WDFY4: variants seen among roughly 807,000 people sequenced by gnomAD.
The protein encoded by WDFY4 is WDFY family member 4.
A neutral mutation model predicts 351.9 loss-of-function variants in WDFY4; 169 were observed. That is an observed-to-expected ratio of 0.48 (90% CI 0.42 to 0.55). The LOEUF is 0.55. Ranked by LOEUF, WDFY4 falls within the 20% of genes least tolerant of loss-of-function variation. The probability of loss-of-function intolerance (pLI) is 0.00; values close to 1 mark genes in which losing one functional copy is unlikely to be tolerated. For missense variants in WDFY4, 3,803 were observed against 3,935.6 expected, an observed-to-expected ratio of 0.97 and a Z score of 0.90; for synonymous variants, 1,622 against 1,574.6, an observed-to-expected ratio of 1.03 and a Z score of -0.71.
Position 48,911,873 on chromosome 10 carries a change from G to C in WDFY4, c.7586+10010G>C, listed in dbSNP as rs190313969. 1.1e-4 allele frequency among the ~76,000 whole-genome samples: 17 copies of C among 152,322 alleles called. 1 individual carries two copies. The East Asian group carries it at 2.7e-3, about 24-fold the overall frequency. ...CCCAAGGTTTTAGAAATATGATAGG[G>C]TTGTCATAGCTAAGCATTACAAGAG... On this transcript the variant is annotated intron_variant, in intron 47 of 61. Transcript: ENST00000325239.
At chr10:48,828,471 A>G (rs2068077660) in intron 36 of WDFY4, among the ~76,000 whole-genome samples, 1 of 152,212 alleles carries the variant, frequency 6.6e-6, no homozygotes, top group Admixed American at 6.5e-5. Flanking sequence ...GAAGGCACTG[A>G]AAGAAATGAC....
In WDFY4 at chr10:48,826,680, A is replaced by G; in HGVS notation, c.5992A>G (p.Thr1998Ala). 1 of 1,550,994 alleles carries G rather than the reference A, an allele frequency of 6.4e-7. No individual in the cohort carries two copies. Among genetic ancestry groups the G allele is most frequent in the Non-Finnish European group, 8.7e-7 (1 of 1,146,338 alleles). Residue 1998 changes from threonine (T) to alanine (A), a missense_variant, in exon 36 of 62, where the codon ACT becomes GCT. Thr to Ala is a moderately conservative substitution (Grantham distance 58, BLOSUM62 0). Transcript: ENST00000325239. ...ILEHIMVVIETASSQRDTVLS... is the reference protein window; with the variant it reads ...ILEHIMVVIEAASSQRDTVLS... ...TTTTTTAATGACACAGGTCATTGAG[A>G]CTGCCTCTTCTCAAAGGGACACTGT...
chr10:48,955,192 C>G (rs549977772), intron 51 of WDFY4, among the ~76,000 whole-genome samples: 1 of 152,198 alleles, frequency 6.6e-6, no homozygotes, highest in Non-Finnish European at 1.5e-5. Flanking sequence ...CGACACCCCA[C>G]CCCCATTTTA....
At chr10:48,822,742 C>T (rs1565238766) in intron 35 of WDFY4, among the ~76,000 whole-genome samples, 1 of 152,210 alleles carries the variant, frequency 6.6e-6, no homozygotes, top group Non-Finnish European at 1.5e-5. Flanking sequence ...CCCCCTGAGC[C>T]CAGTCCCAGG....
In WDFY4 at chr10:48,721,295, G is replaced by A. The variant is rs1697855294; in HGVS notation, c.384G>A (p.Trp128Ter). 3 of 1,551,660 alleles carry A rather than the reference G, an allele frequency of 1.9e-6. No individual in the cohort carries two copies. Among genetic ancestry groups the A allele is most frequent in the Non-Finnish European group, 2.6e-6 (3 of 1,146,974 alleles). ...QARLAAGQLL[W>*]WKGDVDQDGY... ...GGTTGGCAGCTGGACAGTTGCTGTGGTGGAAGGGGGACGTGGATCAGGATG... is the reference window on the plus strand; with the variant it reads ...GGTTGGCAGCTGGACAGTTGCTGTGATGGAAGGGGGACGTGGATCAGGATG... The change falls in exon 4 of 62, where the codon TGG becomes TGA. Residue 128 changes from tryptophan (W) to a stop codon, truncating the protein, a stop_gained. Coordinates refer to ENST00000325239, the MANE Select transcript of WDFY4 (RefSeq NM_001394531.1). LOFTEE classifies it high-confidence loss of function.
intron 39 of WDFY4, among the ~76,000 whole-genome samples, chr10:48,844,417 C>A (rs147498186): frequency 6.6e-5 from 10 of 152,202 alleles, no homozygotes; most frequent in African/African-American, 2.4e-4. Flanking sequence ...TATGATGAAA[C>A]CCCGTCTCTA....
intron 11 of WDFY4, among the ~76,000 whole-genome samples, chr10:48,740,696 A>G (rs1210601516): frequency 2.0e-5 from 3 of 152,258 alleles, no homozygotes; most frequent in African/African-American, 7.2e-5. Flanking sequence ...AAGCAGTATC[A>G]TTGCCCCCAT....
At chr10:48,851,194 T>TGTCCACCCAAAGAGGATGCC (rs1298626248) in intron 39 of WDFY4, among the ~76,000 whole-genome samples, 3 of 152,166 alleles carry the variant, frequency 2.0e-5, no homozygotes, top group Non-Finnish European at 4.4e-5. Context: ...GTCAGGATGG[T>TGTCCACCCAAAGAGGATGCC]GTCCACCCAA....
chr10:48,939,273 A>G (rs1321899113), intron 47 of WDFY4, among the ~76,000 whole-genome samples: 1 of 152,252 alleles, frequency 6.6e-6, no homozygotes, highest in Non-Finnish European at 1.5e-5. Flanking sequence ...CAACATCGCC[A>G]GGACCACGCC....
intron 10 of WDFY4, 75 bp downstream of exon 10, chr10:48,734,110 T>C (rs2132355957): frequency 7.5e-7 from 1 of 1,329,808 alleles, no homozygotes; most frequent in East Asian, 2.5e-5. Context: ...TATGGCAGTG[T>C]TCACAGGTTA....
intron 57 of WDFY4, among the ~76,000 whole-genome samples, chr10:48,974,527 A>AAAAAAAAAAAAAAAAAAAAAAAAAACAAC: frequency 4.3e-5 from 1 of 23,148 alleles, no homozygotes; most frequent in African/African-American, 7.3e-5. Flanking sequence ...AAAAAAAAAA[A>AAAAAAAAAAAAAAAAAAAAAAAAAACAAC]AACAACTCAT....
chr10:48,704,753 C>A (rs897183934), intron 1 of WDFY4, among the ~76,000 whole-genome samples: 1 of 152,222 alleles, frequency 6.6e-6, no homozygotes, highest in Non-Finnish European at 1.5e-5. Context: ...CACCGACTGG[C>A]GAAGGGACCC....
At chr10:48,884,049 C>T (rs1168383072) in intron 43 of WDFY4, 4 of 152,168 alleles carry the variant, frequency 2.6e-5, no homozygotes, top group Non-Finnish European at 4.4e-5. Flanking sequence ...GCTTCCAGAA[C>T]CAGTCCAGAG....
chr10:48,860,753 T>A (rs967678817), intron 39 of WDFY4, among the ~76,000 whole-genome samples: 3 of 152,230 alleles, frequency 2.0e-5, no homozygotes, highest in Non-Finnish European at 2.9e-5. Context: ...ATGTATTTTT[T>A]AAAAAATTTA....
intron 43 of WDFY4, among the ~76,000 whole-genome samples, chr10:48,888,920 G>A (rs2070578162): frequency 6.6e-6 from 1 of 152,204 alleles, no homozygotes; most frequent in African/African-American, 2.4e-5. Context: ...GTAATAGTTG[G>A]TTGGTTAAAA....
chr10:48,870,917 G>A (rs1294789344), intron 40 of WDFY4, among the ~76,000 whole-genome samples: 1 of 150,838 alleles, frequency 6.6e-6, no homozygotes, highest in Non-Finnish European at 1.5e-5. Context: ...TTGCATAGGT[G>A]GAGACTTGGG....
intron 61 of WDFY4, 65 bp from the exon 62 acceptor site, chr10:48,982,444 A>T: frequency 7.2e-7 from 1 of 1,383,486 alleles, no homozygotes; most frequent in Non-Finnish European, 9.6e-7. Context: ...GCAATATCCC[A>T]TGTGCTGGCG....
At chr10:48,764,788 A>G (rs1473929164) in intron 13 of WDFY4, among the ~76,000 whole-genome samples, 4 of 152,276 alleles carry the variant, frequency 2.6e-5, no homozygotes, top group Admixed American at 6.5e-5. Context: ...TTCAGAGACA[A>G]ACGTCACAGG....
intron 1 of WDFY4, among the ~76,000 whole-genome samples, chr10:48,705,024 C>T (rs1436446290): frequency 6.6e-6 from 1 of 152,204 alleles, no homozygotes; most frequent in Non-Finnish European, 1.5e-5. Flanking sequence ...TGGGTCTTGC[C>T]ACTTGGTCTA....
Sources: gnomAD v4.1 joint callset for allele counts (sites outside exome capture counted in the v4.1 genomes callset) on GRCh38, gnomAD v4.1.1 for gene constraint, MANE v1.5 for transcripts, NCBI Gene and HGNC (gene_info 2026-07-23, HGNC 2026-07-21) for gene names.